Variants in RPS6KA5 observed in about 807,000 individuals in gnomAD.
The protein encoded by RPS6KA5 is ribosomal protein S6 kinase alpha-5.
A neutral mutation model predicts 85.5 loss-of-function variants in RPS6KA5; 27 were observed. The observed-to-expected ratio is 0.32, with a 90% CI of 0.23 to 0.44. The LOEUF (loss-of-function observed/expected upper bound fraction) is 0.44. Among genes scored for constraint, RPS6KA5 ranks in the 20% least tolerant of loss-of-function variants. The pLI is 1.00. For missense variants in RPS6KA5, 811 were observed against 980.9 expected (o/e 0.83, Z 2.31); for synonymous variants, 334 against 348.2 (o/e 0.96, Z 0.46).
At chr14:90,877,672 C>T (rs765059819) in intron 14 of RPS6KA5, among the ~76,000 whole-genome samples, 2 of 152,180 alleles carry the variant, frequency 1.3e-5, no homozygotes, top group Non-Finnish European at 2.9e-5. Context: ...CTGGGACTTT[C>T]CACATGCTGT....
At chr14:91,004,807 A>G (rs1157188070) in intron 1 of RPS6KA5, among the ~76,000 whole-genome samples, 1 of 151,892 alleles carries the variant, frequency 6.6e-6, no homozygotes, top group African/African-American at 2.4e-5. Context: ...CTCTACTAAA[A>G]ATACAAAAAA....
intron 3 of RPS6KA5, among the ~76,000 whole-genome samples, chr14:90,967,464 T>C (rs979311430): frequency 3.9e-5 from 6 of 152,264 alleles, no homozygotes; most frequent in African/African-American, 1.2e-4. Flanking sequence ...ACTTGAAAAA[T>C]ACTGTCAAGC....
Position 91,059,959 on chromosome 14 carries a change from C to G in RPS6KA5, c.103+373G>C. 5 of 885,552 alleles carry G rather than the reference C, an allele frequency of 5.6e-6. No homozygotes were observed. In the South Asian group the frequency reaches 2.6e-4, roughly 46 times the overall value. The allele number at this position is 885,552 out of a possible 1,614,324, so 54.9% of individuals were successfully genotyped here. ...ACTCTCCAAAACAAAGCGCCGCTCG[C>G]CCCACGCGGAGGCAGGCGCACCTTT... is the stretch of plus-strand genomic sequence containing the variant. On this transcript the variant is annotated intron_variant, in intron 1 of 16. Coordinates refer to ENST00000614987, the MANE Select transcript of RPS6KA5 (RefSeq NM_004755.4).
At chr14:90,876,656 G>A (rs190292628) in intron 14 of RPS6KA5, among the ~76,000 whole-genome samples, 1 of 152,270 alleles carries the variant, frequency 6.6e-6, no homozygotes, top group African/African-American at 2.4e-5. Context: ...GTGTTAAGTA[G>A]CTGTGTCTGG....
chr14:90,951,383 G>A (rs2038177677), intron 3 of RPS6KA5, among the ~76,000 whole-genome samples: 1 of 151,960 alleles, frequency 6.6e-6, no homozygotes, highest in Admixed American at 6.6e-5. Context: ...TTACTTGGGA[G>A]GCTGAGGCAG....
rs1460273306 is a variant in RPS6KA5 at position 90,978,438 on chromosome 14, T to G, written c.262A>C (p.Ile88Leu). 1 of 1,613,864 alleles carries G rather than the reference T, an allele frequency of 6.2e-7. No homozygotes were observed. The highest frequency in any genetic ancestry group is 1.1e-5 in the South Asian group (1 of 91,042). ...TCTGTGGTTTTGGCCTTTTGAACGA[T>G]TGTTGCCTTTTTCAAAACTTTCATG... ...YAMKVLKKAT[I>L]VQKAKTTEHT... The change falls in exon 3 of 17, where the codon ATC becomes CTC. Residue 88 changes from isoleucine to leucine, a missense_variant. Physicochemically the swap from Ile to Leu is conservative, Grantham distance 5. Coordinates refer to ENST00000614987, the MANE Select transcript of RPS6KA5 (RefSeq NM_004755.4).
At chr14:90,993,237 C>A (rs550790759) in intron 2 of RPS6KA5, among the ~76,000 whole-genome samples, 1 of 152,204 alleles carries the variant, frequency 6.6e-6, no homozygotes, top group East Asian at 1.9e-4. Flanking sequence ...GTCAGGAGTT[C>A]GAGATCGGCC....
intron 2 of RPS6KA5, among the ~76,000 whole-genome samples, chr14:90,983,132 C>T (rs2039871972): frequency 6.7e-6 from 1 of 149,304 alleles, no homozygotes; most frequent in African/African-American, 2.5e-5. Context: ...AAAAAATTAG[C>T]TGGGCGTGGT....
chr14:91,034,843 A>C (rs1290923092), intron 1 of RPS6KA5, among the ~76,000 whole-genome samples: 2 of 152,174 alleles, frequency 1.3e-5, no homozygotes, highest in African/African-American at 2.4e-5. Context: ...TAAATTTCGG[A>C]CACAGTGACA....
intron 2 of RPS6KA5, among the ~76,000 whole-genome samples, chr14:90,996,356 G>C (rs184365012): frequency 7.2e-4 from 109 of 152,130 alleles, no homozygotes; most frequent in Non-Finnish European, 1.3e-3. Context: ...TAAATTAACA[G>C]ATCAATGAAT....
At chr14:90,948,262 T>C (rs2037977169) in intron 3 of RPS6KA5, among the ~76,000 whole-genome samples, 1 of 152,252 alleles carries the variant, frequency 6.6e-6, no homozygotes, top group South Asian at 2.1e-4. Context: ...ATAAGATATT[T>C]CTTCATAAAC....
chr14:90,948,285 T>C (rs1240745167), intron 3 of RPS6KA5, among the ~76,000 whole-genome samples: 1 of 152,244 alleles, frequency 6.6e-6, no homozygotes, highest in Non-Finnish European at 1.5e-5. Context: ...AGAACTTATT[T>C]ATCATTCATT....
chr14:90,889,294 C>CAAAAA (rs11450327), intron 14 of RPS6KA5, among the ~76,000 whole-genome samples: 9 of 71,214 alleles, frequency 1.3e-4, no homozygotes, highest in Admixed American at 1.9e-4. Context: ...ACTTTGTCTC[C>CAAAAA]AAAAAAAAAA....
In RPS6KA5 at chr14:91,001,272, G is replaced by A. The variant is rs568709381; in HGVS notation, c.104-113C>T. The A allele has an allele frequency of 7.2e-4, 461 of 641,880 alleles. 4 individuals carry two copies. In the South Asian group the frequency reaches 9.5e-3, roughly 13 times the overall value. 39.8% of individuals were successfully genotyped at this position (641,880 alleles called of 1,614,324 possible). Reference sequence around the variant, plus strand: ...ATTTCTTGACTTGAGTGATTAACCAGGGTTTGCTTTATAATTATTTGTTAA... The same window carrying A: ...ATTTCTTGACTTGAGTGATTAACCAAGGTTTGCTTTATAATTATTTGTTAA... On this transcript the variant is annotated intron_variant, in intron 1 of 16. Coordinates refer to ENST00000614987, the MANE Select transcript of RPS6KA5 (RefSeq NM_004755.4).
In RPS6KA5 at chr14:90,868,290, T is replaced by C; in HGVS notation, c.*3784A>G. On this transcript the variant is annotated 3_prime_UTR_variant, in exon 17 of 17. Transcript: ENST00000614987. ...CTCCTATCCAAACTTCAAATTTCATTAGAGCCGGCTACATTTGTTTTAGTG... is the reference window on the plus strand; with the variant it reads ...CTCCTATCCAAACTTCAAATTTCATCAGAGCCGGCTACATTTGTTTTAGTG... The C allele has an allele frequency of 6.6e-6, 1 of 152,168 alleles. No homozygotes were observed. The highest frequency in any genetic ancestry group is 6.5e-5 in the Admixed American group (1 of 15,270). 9.4% of individuals were successfully genotyped at this position (152,168 alleles called of 1,614,324 possible).
intron 13 of RPS6KA5, chr14:90,893,908 G>C: frequency 1.5e-6 from 1 of 647,656 alleles, no homozygotes; most frequent in Non-Finnish European, 1.9e-6. Flanking sequence ...AAATATTATA[G>C]CACGATCATA....
chr14:91,005,004 A>G (rs962045784), intron 1 of RPS6KA5, among the ~76,000 whole-genome samples: 19 of 152,146 alleles, frequency 1.2e-4, no homozygotes, highest in African/African-American at 4.6e-4. Context: ...AAACAAAAAA[A>G]CAGTTCCATC....
intron 14 of RPS6KA5, among the ~76,000 whole-genome samples, chr14:90,885,026 G>A (rs2034098254): frequency 6.6e-6 from 1 of 152,076 alleles, no homozygotes; most frequent in South Asian, 2.1e-4. Context: ...GCTGAGATGG[G>A]TGGACTGCTT....
intron 3 of RPS6KA5, among the ~76,000 whole-genome samples, chr14:90,970,287 G>A (rs1016259865): frequency 9.2e-5 from 14 of 152,014 alleles, no homozygotes; most frequent in African/African-American, 2.9e-4. Flanking sequence ...TGTCTGTTTC[G>A]TCATACTAGT....
Sources: allele counts gnomAD v4.1 joint callset (sites outside exome capture counted in the v4.1 genomes callset), GRCh38; gene constraint gnomAD v4.1.1; transcripts MANE v1.5; gene names NCBI Gene and HGNC (gene_info 2026-07-23, HGNC 2026-07-21).